CFAP45: variants seen among roughly 807,000 people sequenced by gnomAD.
The protein encoded by CFAP45 is cilia- and flagella-associated protein 45.
CFAP45 carries 43 observed loss-of-function variants against 75.6 expected under a neutral mutation model. That is an observed-to-expected ratio of 0.57 (90% confidence interval 0.45 to 0.73). The LOEUF is 0.73. CFAP45 is among the 30% of genes least tolerant of loss of function. The pLI is 0.00. For missense variants in CFAP45, 689 were observed against 701.5 expected, an observed-to-expected ratio of 0.98 and a Z score of 0.20; for synonymous variants, 223 against 244.6, an observed-to-expected ratio of 0.91 and a Z score of 0.82.
At chr1:159,879,667 G>A (rs998759533) in intron 8 of CFAP45, among the ~76,000 whole-genome samples, 12 of 152,102 alleles carry the variant, frequency 7.9e-5, no homozygotes, top group African/African-American at 2.2e-4. Context: ...AGTGAGCTTC[G>A]CTGAGCTTCA....
At chr1:159,890,726 G>T in intron 2 of CFAP45, 104 bp from the exon 3 acceptor site, 2 of 961,064 alleles carry the variant, frequency 2.1e-6, no homozygotes, top group Non-Finnish European at 3.2e-6. Flanking sequence ...ATCTGAGCAT[G>T]GCTGGATGTG....
intron 9 of CFAP45, 111 bp from the exon 10 acceptor site, chr1:159,876,860 A>G: frequency 2.0e-6 from 2 of 1,013,936 alleles, no homozygotes; most frequent in Non-Finnish European, 3.0e-6. Context: ...TTTGAAAAGC[A>G]TCATGAATTT....
At chr1:159,883,692 T>C (rs1440452371) in intron 7 of CFAP45, among the ~76,000 whole-genome samples, 2 of 150,668 alleles carry the variant, frequency 1.3e-5, no homozygotes, top group African/African-American at 2.4e-5. Flanking sequence ...CTAAGGTAAA[T>C]GATTAACAAT....
Position 159,890,475 on chromosome 1 carries a change from C to T in CFAP45, c.272+5G>A. ...ACATAGAAGGGCAGGGGACGGTGTACTCACATGAGTTCTCGGACCATGTCC... is the reference window on the plus strand; with the variant it reads ...ACATAGAAGGGCAGGGGACGGTGTATTCACATGAGTTCTCGGACCATGTCC... On this transcript the variant is annotated splice_donor_5th_base_variant and intron_variant, in intron 3 of 11. Transcript: ENST00000368099. 1.2e-6 allele frequency: 2 copies of T among 1,614,062 alleles called. No individual in the cohort carries two copies. Among genetic ancestry groups the T allele is most frequent in the Non-Finnish European group, 1.7e-6 (2 of 1,179,946 alleles).
chr1:159,880,966 CT>C (rs1191646305), intron 7 of CFAP45, among the ~76,000 whole-genome samples: 1 of 152,220 alleles, frequency 6.6e-6, no homozygotes, highest in Non-Finnish European at 1.5e-5. Context: ...AGCAGAAGCT[CT>C]TAAAGTTCCA....
At chr1:159,882,074 T>C (rs1351510842) in intron 7 of CFAP45, among the ~76,000 whole-genome samples, 2 of 152,210 alleles carry the variant, frequency 1.3e-5, no homozygotes, top group East Asian at 3.9e-4. Flanking sequence ...AGTTCAAGGC[T>C]TCTTCCTTCA....
At chr1:159,878,835 G>A (rs762821715) in intron 8 of CFAP45, among the ~76,000 whole-genome samples, 4 of 138,128 alleles carry the variant, frequency 2.9e-5, no homozygotes, top group African/African-American at 8.2e-5. Flanking sequence ...CCAGTGAGTT[G>A]TCCCTGTAAG....
chr1:159,890,561 T>C lies in CFAP45; in HGVS notation c.191A>G (p.Gln64Arg), dbSNP rs772523183. 29 of 1,613,962 alleles carry C rather than the reference T, an allele frequency of 1.8e-5. 1 individual carries two copies. The highest frequency in any genetic ancestry group is 1.3e-4 in the Admixed American group (8 of 60,000). Reference sequence around the variant, plus strand: ...CAAGCCCAAAGCAGTGAGAGTTTTTTGAAGGGTATGCTTATCTCGGAGCAG... The same window carrying C: ...CAAGCCCAAAGCAGTGAGAGTTTTTCGAAGGGTATGCTTATCTCGGAGCAG... ...IVLLRDKHTL[Q>R]KTLTALGLDR... Residue 64 changes from glutamine (Q) to arginine (R), a missense_variant, in exon 3 of 12, where the codon CAA becomes CGA. Physicochemically the swap from Gln to Arg is conservative, Grantham distance 43 (BLOSUM62 1). Transcript: ENST00000368099.
chr1:159,888,096 A>G, intron 4 of CFAP45, 85 bp from the exon 5 acceptor site: 1 of 1,472,610 alleles, frequency 6.8e-7, no homozygotes, highest in Non-Finnish European at 9.2e-7. Flanking sequence ...CAGGTGACCC[A>G]GTACAATTTT....
At chr1:159,882,072 GCT>G (rs960960330) in intron 7 of CFAP45, among the ~76,000 whole-genome samples, 9 of 152,182 alleles carry the variant, frequency 5.9e-5, no homozygotes, top group African/African-American at 1.9e-4. Context: ...CCAGTTCAAG[GCT>G]TCTTCCTTCA....
At chr1:159,888,079 GC>G (rs1442453667) in intron 4 of CFAP45, 68 bp from the exon 5 acceptor site, 2 of 1,526,308 alleles carry the variant, frequency 1.3e-6, no homozygotes, top group African/African-American at 2.7e-5. Flanking sequence ...CGCTAGCCTG[GC>G]TACCACAGGT....
chr1:159,872,432 G>C lies in CFAP45; in HGVS notation c.*53C>G. ...TTAGCAGCAATTATGGATGCCCAGA[G>C]ACTGGGCAGAATCTGTCCCCCGAAG... On this transcript the variant is annotated 3_prime_UTR_variant, in exon 12 of 12. Coordinates refer to ENST00000368099, the MANE Select transcript of CFAP45 (RefSeq NM_012337.3). 1 of 1,321,912 alleles carries C rather than the reference G, an allele frequency of 7.6e-7. No individual in the cohort carries two copies. Among genetic ancestry groups the C allele is most frequent in the Non-Finnish European group, 1.1e-6 (1 of 913,494 alleles). 81.9% of individuals were successfully genotyped at this position (1,321,912 alleles called of 1,614,324 possible).
In CFAP45 at chr1:159,890,550, T is replaced by C; in HGVS notation, c.202A>G (p.Thr68Ala). The C allele has an allele frequency of 6.2e-7, 1 of 1,613,866 alleles. No homozygotes were observed. ...GGCTTGCGATCCAAGCCCAAAGCAG[T>C]GAGAGTTTTTTGAAGGGTATGCTTA... Reference protein sequence around the residue: ...RDKHTLQKTLTALGLDRKPET... With the variant: ...RDKHTLQKTLAALGLDRKPET... The change falls in exon 3 of 12, where the codon ACT becomes GCT. Residue 68 changes from threonine to alanine, a missense_variant. Coordinates refer to ENST00000368099, the MANE Select transcript of CFAP45 (RefSeq NM_012337.3).
At chr1:159,887,726 G>A (rs556261375) in intron 5 of CFAP45, 115 bp downstream of exon 5, 21 of 877,436 alleles carry the variant, frequency 2.4e-5, no homozygotes, top group South Asian at 9.8e-5. Flanking sequence ...GCTCTCCCCC[G>A]CCCCACCCCT....
chr1:159,890,390 GA>G, intron 3 of CFAP45, 89 bp downstream of exon 3: 2 of 1,258,028 alleles, frequency 1.6e-6, no homozygotes, highest in South Asian at 2.6e-5. Flanking sequence ...CTGACAGAAT[GA>G]AACCAGGTGG....
intron 1 of CFAP45, among the ~76,000 whole-genome samples, chr1:159,897,743 G>T (rs1649985067): frequency 6.6e-6 from 1 of 151,784 alleles, no homozygotes; most frequent in South Asian, 2.1e-4. Context: ...TTCCTGCAAT[G>T]AGTAGATACC....
rs574608464 is a variant in CFAP45, at chr1:159,873,458, T to C, written c.1353-290A>G. 7 of 463,256 alleles carry C rather than the reference T, an allele frequency of 1.5e-5. No individual in the cohort carries two copies. In the East Asian group the frequency reaches 2.8e-4, roughly 18 times the overall value. The allele number at this position is 463,256 out of a possible 1,614,324, so 28.7% of individuals were successfully genotyped here. A position where few individuals can be genotyped will look rare whatever the true frequency, so the allele number is the denominator to read the frequency against. Reference sequence around the variant, plus strand: ...GTTTGATGCTCTGCTTTCACTGTTTTGAAATTCTTAATAATTTTTGAACAA... The same window carrying C: ...GTTTGATGCTCTGCTTTCACTGTTTCGAAATTCTTAATAATTTTTGAACAA... On this transcript the variant is annotated intron_variant, in intron 10 of 11. Transcript: ENST00000368099.
chr1:159,892,945 T>C (rs1332041570), intron 2 of CFAP45, among the ~76,000 whole-genome samples: 1 of 152,198 alleles, frequency 6.6e-6, no homozygotes, highest in Non-Finnish European at 1.5e-5. Context: ...ATAACAGATT[T>C]TAAACACTGT....
intron 7 of CFAP45, among the ~76,000 whole-genome samples, chr1:159,883,284 A>ACT (rs1649592794): frequency 7.5e-6 from 1 of 132,566 alleles, no homozygotes; most frequent in Non-Finnish European, 1.7e-5. Flanking sequence ...AAATGAATGA[A>ACT]GAACTGAATG....
Sources: gnomAD v4.1 joint callset for allele counts (sites outside exome capture counted in the v4.1 genomes callset) on GRCh38, gnomAD v4.1.1 for gene constraint, MANE v1.5 for transcripts, NCBI Gene and HGNC (gene_info 2026-07-23, HGNC 2026-07-21) for gene names.